Variants in CSMD1 observed in about 807,000 individuals in gnomAD.
CSMD1 encodes CUB and Sushi multiple domains 1, also known as CUB and sushi domain-containing protein 1.
CSMD1 carries 213 observed loss-of-function variants against 417.5 expected under a neutral mutation model. That is an observed-to-expected ratio of 0.51 (90% CI 0.46 to 0.57). The LOEUF is 0.57. Among genes scored for constraint, CSMD1 ranks in the 20% least tolerant of loss-of-function variants. The pLI is 0.00. For missense variants in CSMD1, 6,923 were observed against 4,529.7 expected (o/e 1.53, Z -15.17); for synonymous variants, 2,862 against 1,736.8 (o/e 1.65, Z -16.11).
chr8:3,873,559 G>A (rs1805623641), intron 5 of CSMD1, among the ~76,000 whole-genome samples: 1 of 152,094 alleles, frequency 6.6e-6, no homozygotes, highest in African/African-American at 2.4e-5. Flanking sequence ...CTGCAGGGTG[G>A]ACGGTGGGAG....
chr8:3,733,134 T>A (rs534849482), intron 6 of CSMD1, among the ~76,000 whole-genome samples: 14 of 148,528 alleles, frequency 9.4e-5, no homozygotes, highest in Admixed American at 3.4e-4. Context: ...GTGAAAGAAG[T>A]TAGGAATTAG....
At chr8:4,019,263 A>G (rs1365774334) in intron 4 of CSMD1, among the ~76,000 whole-genome samples, 2 of 152,208 alleles carry the variant, frequency 1.3e-5, no homozygotes, top group Non-Finnish European at 2.9e-5. Context: ...TTACAGACTA[A>G]GAGTTTTTAA....
chr8:4,460,912 CTTATT>C (rs1208625378), intron 2 of CSMD1, among the ~76,000 whole-genome samples: 2 of 152,070 alleles, frequency 1.3e-5, no homozygotes, highest in Non-Finnish European at 1.5e-5. Flanking sequence ...CACATTCCAA[CTTATT>C]TTATAAGGTC....
chr8:4,740,486 G>C (rs1468253157), intron 1 of CSMD1, among the ~76,000 whole-genome samples: 12 of 152,158 alleles, frequency 7.9e-5, no homozygotes, highest in Non-Finnish European at 1.8e-4. Flanking sequence ...TTAGAGGAAA[G>C]TGCAATGGTA....
At chr8:4,892,930 T>G (rs1172960755) in intron 1 of CSMD1, among the ~76,000 whole-genome samples, 2 of 152,160 alleles carry the variant, frequency 1.3e-5, no homozygotes, top group African/African-American at 2.4e-5. Context: ...ATATATTTTA[T>G]ATGCCACATG....
chr8:4,785,341 G>C (rs1436799399), intron 1 of CSMD1, among the ~76,000 whole-genome samples: 1 of 152,122 alleles, frequency 6.6e-6, no homozygotes, highest in Non-Finnish European at 1.5e-5. Flanking sequence ...TTTGCTCTTA[G>C]GCTGATGGTG....
chr8:4,846,155 T>C (rs947176469), intron 1 of CSMD1, among the ~76,000 whole-genome samples: 5 of 152,192 alleles, frequency 3.3e-5, no homozygotes, highest in African/African-American at 7.2e-5. Flanking sequence ...TGCATACTAT[T>C]GTGTATGAAA....
intron 1 of CSMD1, among the ~76,000 whole-genome samples, chr8:4,821,168 C>A (rs189044803): frequency 1.3e-5 from 2 of 152,252 alleles, no homozygotes; most frequent in South Asian, 4.1e-4. Flanking sequence ...ATCCTCTCTT[C>A]TCTGTAATCA....
Position 3,741,224 on chromosome 8 carries a change from A to AC in CSMD1, c.931+12705_931+12706insG, listed in dbSNP as rs1238721389. ...GCAAGACTCCGTCTTAAAAAAAAAA[A>AC]AAAAAAAAAAAAAAAAACATACAGA... On this transcript the variant is annotated intron_variant, in intron 6 of 69. Transcript: ENST00000635120. Among the ~76,000 whole-genome samples the AC allele has an allele frequency of 5.0e-4, 76 of 150,886 alleles. 2 individuals carry two copies. The highest frequency in any genetic ancestry group is 9.2e-4 in the Admixed American group (14 of 15,184).
chr8:4,456,560 T>G (rs1249853338), intron 2 of CSMD1, among the ~76,000 whole-genome samples: 1 of 152,166 alleles, frequency 6.6e-6, no homozygotes, highest in Non-Finnish European at 1.5e-5. Context: ...TGGGTAGAAC[T>G]GAAAACAGCC....
intron 11 of CSMD1, among the ~76,000 whole-genome samples, chr8:3,470,452 T>G (rs1271770912): frequency 6.6e-6 from 1 of 152,194 alleles, no homozygotes. Context: ...GGTAACATCT[T>G]GCAAAACTAT....
At chr8:3,546,020 T>C (rs1303963720) in intron 10 of CSMD1, among the ~76,000 whole-genome samples, 3 of 152,160 alleles carry the variant, frequency 2.0e-5, no homozygotes, top group African/African-American at 7.2e-5. Context: ...CTGAGAAAGA[T>C]TTCTCTAATA....
chr8:4,454,452 G>C (rs749997905), intron 2 of CSMD1, among the ~76,000 whole-genome samples: 2 of 152,156 alleles, frequency 1.3e-5, no homozygotes, highest in Non-Finnish European at 2.9e-5. Flanking sequence ...CTACACCGCC[G>C]TTTGAGTATA....
intron 1 of CSMD1, among the ~76,000 whole-genome samples, chr8:4,847,669 G>A (rs545290345): frequency 1.3e-4 from 20 of 151,698 alleles, no homozygotes; most frequent in Non-Finnish European, 2.5e-4. Context: ...TTCTCCTTAA[G>A]CTCTTCAATG....
intron 1 of CSMD1, among the ~76,000 whole-genome samples, chr8:4,959,350 C>G (rs6986895): frequency 6.6e-6 from 1 of 152,038 alleles, no homozygotes; most frequent in Non-Finnish European, 1.5e-5. Context: ...TGGTGTTCCC[C>G]GCATGTCAGG....
intron 33 of CSMD1, among the ~76,000 whole-genome samples, chr8:3,196,932 C>A (rs1446669925): frequency 6.6e-6 from 1 of 152,152 alleles, no homozygotes; most frequent in Non-Finnish European, 1.5e-5. Flanking sequence ...AAGGGTTATC[C>A]CTTTCTGAAG....
At chr8:4,623,294 T>G (rs1273876388) in intron 2 of CSMD1, among the ~76,000 whole-genome samples, 1 of 152,106 alleles carries the variant, frequency 6.6e-6, no homozygotes, top group Non-Finnish European at 1.5e-5. Flanking sequence ...AAAATAACAC[T>G]CTACACTCAT....
At chr8:4,971,086 G>A (rs1433729393) in intron 1 of CSMD1, among the ~76,000 whole-genome samples, 5 of 151,742 alleles carry the variant, frequency 3.3e-5, no homozygotes, top group Admixed American at 1.3e-4. Context: ...ACTTTTTTTG[G>A]ATCTCATTTT....
At chr8:4,252,534 C>G (rs542671600) in intron 3 of CSMD1, among the ~76,000 whole-genome samples, 1 of 152,192 alleles carries the variant, frequency 6.6e-6, no homozygotes, top group Non-Finnish European at 1.5e-5. Flanking sequence ...CCATAAAATG[C>G]TCCTTAGAAT....
Sources: allele counts gnomAD v4.1 joint callset (sites outside exome capture counted in the v4.1 genomes callset), GRCh38; gene constraint gnomAD v4.1.1; transcripts MANE v1.5; gene names NCBI Gene and HGNC (gene_info 2026-07-23, HGNC 2026-07-21).